The following THSD4 variants were observed in gnomAD, a reference collection of about 807,000 sequenced individuals.
THSD4 encodes thrombospondin type 1 domain containing 4, also known as thrombospondin type-1 domain-containing protein 4.
A neutral mutation model predicts 119.0 loss-of-function variants in THSD4; 69 were observed. The observed-to-expected ratio is 0.58, with a 90% CI of 0.48 to 0.71. THSD4 has a LOEUF of 0.71. THSD4 is among the 30% of genes least tolerant of loss of function. The probability of loss-of-function intolerance (pLI) is 0.00; values close to 1 mark genes in which losing one functional copy is unlikely to be tolerated. For synonymous variants in THSD4, 524 were observed against 540.4 expected, an observed-to-expected ratio of 0.97 and a Z score of 0.42; for missense variants, 1,393 against 1,391.1, an observed-to-expected ratio of 1.00 and a Z score of -0.02.
intron 3 of THSD4, among the ~76,000 whole-genome samples, chr15:71,202,227 G>C (rs2043809723): frequency 6.6e-6 from 1 of 152,172 alleles, no homozygotes; most frequent in African/African-American, 2.4e-5. Context: ...GTAGTGATCT[G>C]TGTCTTTGCC....
chr15:71,435,812 G>C (rs2047005681), intron 7 of THSD4, among the ~76,000 whole-genome samples: 1 of 152,086 alleles, frequency 6.6e-6, no homozygotes, highest in Admixed American at 6.5e-5. Flanking sequence ...GGCACTTCAG[G>C]GATTAGACTT....
At chr15:71,238,295 TA>T (rs201245956) in intron 4 of THSD4, among the ~76,000 whole-genome samples, 10 of 152,116 alleles carry the variant, frequency 6.6e-5, no homozygotes, top group Non-Finnish European at 1.2e-4. Flanking sequence ...CATGCTTTCT[TA>T]AAAAAAACTT....
chr15:71,601,908 T>A (rs1282873322), intron 7 of THSD4, among the ~76,000 whole-genome samples: 3 of 152,246 alleles, frequency 2.0e-5, no homozygotes, highest in Non-Finnish European at 4.4e-5. Context: ...CAGAATCTCA[T>A]TATATTGGAA....
At chr15:71,161,345 G>T (rs914913539) in intron 3 of THSD4, among the ~76,000 whole-genome samples, 1 of 151,978 alleles carries the variant, frequency 6.6e-6, no homozygotes, top group Admixed American at 6.6e-5. Flanking sequence ...TGAAAGTGGG[G>T]TGTTGAAGCC....
At chr15:71,327,472 GC>G (rs35486169) in intron 6 of THSD4, among the ~76,000 whole-genome samples, 21,817 of 152,054 alleles carry the variant, frequency 0.14, 1,608 homozygotes, top group Middle Eastern at 0.23. Flanking sequence ...ATTCACTAAT[GC>G]CTTATTATGT....
At chr15:71,364,550 G>A (rs1033956047) in intron 6 of THSD4, among the ~76,000 whole-genome samples, 2 of 152,184 alleles carry the variant, frequency 1.3e-5, no homozygotes, top group East Asian at 1.9e-4. Flanking sequence ...CTAGCAGGTC[G>A]TGGTTCTAGC....
At chr15:71,210,689 A>C (rs1704252567) in intron 3 of THSD4, among the ~76,000 whole-genome samples, 1 of 152,214 alleles carries the variant, frequency 6.6e-6, no homozygotes, top group Non-Finnish European at 1.5e-5. Context: ...CTGAACACTT[A>C]AAGAGTGATA....
Position 71,242,186 on chromosome 15 carries a change from C to T in THSD4, c.465-463C>T, listed in dbSNP as rs376461151. 1.3e-4 allele frequency among the ~76,000 whole-genome samples: 20 copies of T among 152,088 alleles called. No individual in the cohort carries two copies. In the East Asian group the frequency reaches 3.9e-3, roughly 29 times the overall value. On this transcript the variant is annotated intron_variant, in intron 4 of 17. Coordinates refer to ENST00000261862, the MANE Select transcript of THSD4 (RefSeq NM_024817.3). ...GTATGAATAGTGAAGGAAACAGGGT[C>T]TGAAATATCACAGTTAGTTGAAGGA...
rs535460706 is a variant in THSD4, at chr15:71,754,150, C to T, written c.2416-3752C>T. Among the ~76,000 whole-genome samples, 10 of 136,662 alleles carry T rather than the reference C, an allele frequency of 7.3e-5. No homozygotes were observed. In the East Asian group the frequency reaches 1.1e-3, roughly 15 times the overall value. The allele number at this position is 136,662 out of a possible 152,430, so 89.7% of individuals were successfully genotyped here. A position where few individuals can be genotyped will look rare whatever the true frequency, so the allele number is the denominator to read the frequency against. On this transcript the variant is annotated intron_variant, in intron 14 of 17. Coordinates refer to ENST00000261862, the MANE Select transcript of THSD4 (RefSeq NM_024817.3). ...AGGCTAGAGTACAGTGGCATGATTT[C>T]GGCTTACTGCATCACTGCAACCTCC...
chr15:71,117,528 T>G (rs1186066212), intron 1 of THSD4, among the ~76,000 whole-genome samples: 1 of 152,164 alleles, frequency 6.6e-6, no homozygotes, highest in Non-Finnish European at 1.5e-5. Context: ...TTATAGCTCA[T>G]TCATCGCAAA....
At chr15:71,188,310 A>G (rs2043633172) in intron 3 of THSD4, among the ~76,000 whole-genome samples, 1 of 151,968 alleles carries the variant, frequency 6.6e-6, no homozygotes, top group Non-Finnish European at 1.5e-5. Flanking sequence ...AAGGTGTGGG[A>G]GCCGTGAGAG....
At chr15:71,737,709 G>A (rs1348420046) in intron 10 of THSD4, 23 bp from the exon 11 acceptor site, 1 of 1,575,782 alleles carries the variant, frequency 6.3e-7, no homozygotes, top group Non-Finnish European at 8.6e-7. Flanking sequence ...CTGATTCTGT[G>A]TGTGCACGCT....
rs1445637149 is a variant in THSD4 at position 71,702,965 on chromosome 15, A to G, written c.1358-25584A>G. 2.0e-5 allele frequency among the ~76,000 whole-genome samples: 3 copies of G among 150,580 alleles called. No homozygotes were observed. In the East Asian group the frequency reaches 5.8e-4, roughly 29 times the overall value. On this transcript the variant is annotated intron_variant, in intron 8 of 17. Coordinates refer to ENST00000261862, the MANE Select transcript of THSD4 (RefSeq NM_024817.3). ...TGAGCAAATCTGACACCTAGTTTTGAAAGGTTTCTGACCCCTGCTCTTTTT... is the reference window on the plus strand; with the variant it reads ...TGAGCAAATCTGACACCTAGTTTTGGAAGGTTTCTGACCCCTGCTCTTTTT...
At position 71,416,307 on chromosome 15, in the gene THSD4, T is replaced by C. The variant is rs1366834234; in HGVS notation, c.1152+4484T>C. On this transcript the variant is annotated intron_variant, in intron 7 of 17. Coordinates refer to ENST00000261862, the MANE Select transcript of THSD4 (RefSeq NM_024817.3). ...GCTTTTGTGAATAGTGTTGCAGATA[T>C]CTCTTCGATACACTGATTTCTTTTC... Among the ~76,000 whole-genome samples, 3 of 111,976 alleles carry C rather than the reference T, an allele frequency of 2.7e-5. 1 individual carries two copies. The highest frequency in any genetic ancestry group is 6.0e-5 in the Non-Finnish European group (3 of 50,082). 73.5% of individuals were successfully genotyped at this position (111,976 alleles called of 152,430 possible).
intron 6 of THSD4, among the ~76,000 whole-genome samples, chr15:71,306,576 AG>A (rs2045033631): frequency 6.6e-6 from 1 of 152,184 alleles, no homozygotes; most frequent in Non-Finnish European, 1.5e-5. Flanking sequence ...TGTTTTATAA[AG>A]TATGGGTGTC....
intron 7 of THSD4, among the ~76,000 whole-genome samples, chr15:71,545,805 T>C (rs2140847362): frequency 6.6e-6 from 1 of 152,300 alleles, no homozygotes; most frequent in African/African-American, 2.4e-5. Context: ...TAAAAAGGAA[T>C]GAAAGTTCTT....
intron 7 of THSD4, among the ~76,000 whole-genome samples, chr15:71,636,127 A>G (rs2050734133): frequency 6.6e-6 from 1 of 152,200 alleles, no homozygotes; most frequent in Non-Finnish European, 1.5e-5. Context: ...ACTGAAGTAA[A>G]ATGAGGAAAA....
At chr15:71,599,702 G>C (rs894922874) in intron 7 of THSD4, among the ~76,000 whole-genome samples, 5 of 152,210 alleles carry the variant, frequency 3.3e-5, no homozygotes, top group African/African-American at 1.2e-4. Context: ...TATAAATTAA[G>C]AGCTGTTCCC....
intron 7 of THSD4, among the ~76,000 whole-genome samples, chr15:71,441,253 T>G (rs2047084230): frequency 2.2e-5 from 1 of 46,030 alleles, no homozygotes; most frequent in Non-Finnish European, 5.2e-5. Flanking sequence ...GATCTTGATG[T>G]CTGGGGGTAG....
Sources: allele counts gnomAD v4.1 joint callset (sites outside exome capture counted in the v4.1 genomes callset), GRCh38; gene constraint gnomAD v4.1.1; transcripts MANE v1.5; gene names NCBI Gene and HGNC (gene_info 2026-07-23, HGNC 2026-07-21).